IMMP2L: variants seen among roughly 807,000 people sequenced by gnomAD.
IMMP2L encodes the protein inner mitochondrial membrane peptidase subunit 2, also known as mitochondrial inner membrane protease subunit 2.
In IMMP2L, 18 loss-of-function variants were observed where a neutral mutation model predicts 19.3. That is an observed-to-expected ratio of 0.93 (90% confidence interval 0.64 to 1.38). The LOEUF is 1.38. Ranked by LOEUF, IMMP2L falls within the 40% of genes most tolerant of loss-of-function variation. The pLI, the probability that IMMP2L is intolerant of heterozygous loss-of-function variation, is 0.00. For missense variants in IMMP2L, 233 were observed against 218.2 expected (o/e 1.07, Z -0.43); for synonymous variants, 76 against 73.0 (o/e 1.04, Z -0.21).
intron 3 of IMMP2L, among the ~76,000 whole-genome samples, chr7:111,113,422 A>G (rs1799477226): frequency 1.3e-5 from 2 of 151,974 alleles, no homozygotes; most frequent in Admixed American, 1.3e-4. Context: ...ATGTCCTCCC[A>G]TGTATAAGGC....
chr7:111,312,481 A>T (rs1823624161), intron 3 of IMMP2L, among the ~76,000 whole-genome samples: 1 of 152,142 alleles, frequency 6.6e-6, no homozygotes, highest in Admixed American at 6.6e-5. Flanking sequence ...TTGTGTTGGC[A>T]GTGGGAGTGG....
intron 3 of IMMP2L, among the ~76,000 whole-genome samples, chr7:111,128,024 T>C (rs1054477672): frequency 6.6e-6 from 1 of 152,080 alleles, no homozygotes. Context: ...AAGAAAGAAA[T>C]GAAACAGATT....
At chr7:111,531,214 C>T (rs1253336350) in intron 1 of IMMP2L, among the ~76,000 whole-genome samples, 1 of 151,938 alleles carries the variant, frequency 6.6e-6, no homozygotes, top group Non-Finnish European at 1.5e-5. Flanking sequence ...CTCGGCCTCC[C>T]AAAGTGCTGG....
intron 3 of IMMP2L, among the ~76,000 whole-genome samples, chr7:110,986,821 T>TAAA (rs79747185): frequency 7.5e-6 from 1 of 132,856 alleles, no homozygotes; most frequent in Admixed American, 7.6e-5. Context: ...TCTTAGTTAG[T>TAAA]AAAAAAAAAA....
intron 5 of IMMP2L, among the ~76,000 whole-genome samples, chr7:110,685,664 C>T (rs1005512918): frequency 6.6e-6 from 1 of 152,016 alleles, no homozygotes; most frequent in Non-Finnish European, 1.5e-5. Flanking sequence ...CAATTTTCTT[C>T]TTAGAAAATC....
chr7:110,766,525 G>A (rs936833537), intron 5 of IMMP2L, among the ~76,000 whole-genome samples: 9 of 146,410 alleles, frequency 6.1e-5, no homozygotes, highest in East Asian at 2.0e-4. Flanking sequence ...CCAGGAGGCC[G>A]TAAGCCGAGA....
At chr7:111,025,424 A>C (rs1437703965) in intron 3 of IMMP2L, among the ~76,000 whole-genome samples, 1 of 152,214 alleles carries the variant, frequency 6.6e-6, no homozygotes, top group African/African-American at 2.4e-5. Context: ...GTAATATCCA[A>C]AACTATGATC....
intron 5 of IMMP2L, among the ~76,000 whole-genome samples, chr7:110,806,285 T>A (rs1269467841): frequency 8.1e-6 from 1 of 123,676 alleles, no homozygotes; most frequent in Non-Finnish European, 1.8e-5. Flanking sequence ...GGACTTCACT[T>A]TAGACTTCAT....
intron 3 of IMMP2L, among the ~76,000 whole-genome samples, chr7:111,284,277 G>A (rs1820246318): frequency 6.6e-6 from 1 of 152,168 alleles, no homozygotes; most frequent in East Asian, 1.9e-4. Flanking sequence ...TAGCCTTGCT[G>A]ACTATTCAAT....
At chr7:111,261,112 T>G (rs777123045) in intron 3 of IMMP2L, among the ~76,000 whole-genome samples, 3 of 152,130 alleles carry the variant, frequency 2.0e-5, no homozygotes, top group Non-Finnish European at 2.9e-5. Context: ...TTCCATTAAC[T>G]TCTTTAAATT....
At chr7:111,200,762 T>A (rs910271376) in intron 3 of IMMP2L, among the ~76,000 whole-genome samples, 3 of 151,980 alleles carry the variant, frequency 2.0e-5, no homozygotes, top group African/African-American at 7.3e-5. Flanking sequence ...GAGAAACAGT[T>A]CATGGAGATT....
intron 3 of IMMP2L, among the ~76,000 whole-genome samples, chr7:111,105,299 T>C (rs767720950): frequency 5.9e-5 from 9 of 151,880 alleles, no homozygotes; most frequent in Non-Finnish European, 1.3e-4. Context: ...GAATCTGACA[T>C]CTAGTTATTT....
At chr7:110,788,981 C>A (rs1485651073) in intron 5 of IMMP2L, among the ~76,000 whole-genome samples, 1 of 151,758 alleles carries the variant, frequency 6.6e-6, no homozygotes, top group South Asian at 2.1e-4. Flanking sequence ...GTCAGTCAGT[C>A]TTGGAACTTA....
chr7:110,969,161 TA>T (rs1190824255), intron 3 of IMMP2L, among the ~76,000 whole-genome samples: 3 of 152,104 alleles, frequency 2.0e-5, no homozygotes, highest in Non-Finnish European at 4.4e-5. Context: ...AAAATCAAGA[TA>T]AAAACGAATA....
chr7:111,380,268 A>T (rs1831071940), intron 3 of IMMP2L, among the ~76,000 whole-genome samples: 1 of 151,952 alleles, frequency 6.6e-6, no homozygotes, highest in South Asian at 2.1e-4. Context: ...ATTCAAAGTT[A>T]GATATTTAAT....
At chr7:110,935,418 C>T (rs1815993106) in intron 4 of IMMP2L, among the ~76,000 whole-genome samples, 1 of 111,810 alleles carries the variant, frequency 8.9e-6, no homozygotes, top group African/African-American at 4.4e-5. Flanking sequence ...TTCTCTCTGG[C>T]TGCCCTTTAC....
chr7:110,927,981 C>T (rs1023253263), intron 4 of IMMP2L, among the ~76,000 whole-genome samples: 24 of 152,056 alleles, frequency 1.6e-4, no homozygotes, highest in South Asian at 4.2e-4. Flanking sequence ...GATATGTTTC[C>T]TCTCCTGTGT....
chr7:110,747,972 A>G (rs1797468486), intron 5 of IMMP2L, among the ~76,000 whole-genome samples: 1 of 152,228 alleles, frequency 6.6e-6, no homozygotes, highest in Non-Finnish European at 1.5e-5. Flanking sequence ...CTGTTTGAAG[A>G]TGACATGATT....
chr7:110,981,522 A>G (rs1821293686), intron 3 of IMMP2L, among the ~76,000 whole-genome samples: 2 of 152,022 alleles, frequency 1.3e-5, no homozygotes, highest in South Asian at 4.2e-4. Flanking sequence ...AGTGGTTAGC[A>G]CTAACTTTTC....
Sources: gnomAD v4.1 joint callset for allele counts (sites outside exome capture counted in the v4.1 genomes callset) on GRCh38, gnomAD v4.1.1 for gene constraint, MANE v1.5 for transcripts, NCBI Gene and HGNC (gene_info 2026-07-23, HGNC 2026-07-21) for gene names.